Variants in SORCS1 observed in about 807,000 individuals in gnomAD.
The protein encoded by SORCS1 is sortilin related VPS10 domain containing receptor 1, also known as VPS10 domain-containing receptor SorCS1.
SORCS1 carries 60 observed loss-of-function variants against 146.1 expected under a neutral mutation model. That is an observed-to-expected ratio of 0.41 (90% confidence interval 0.33 to 0.51). The LOEUF (loss-of-function observed/expected upper bound fraction) is 0.51, where lower values mean the gene tolerates loss of function less well. Ranked by LOEUF, SORCS1 falls within the 20% of genes least tolerant of loss-of-function variation. SORCS1 has a pLI of 0.21. For missense variants in SORCS1, 1,352 were observed against 1,487.6 expected (o/e 0.91, Z 1.50); for synonymous variants, 637 against 584.0 (o/e 1.09, Z -1.31).
At chr10:106,833,939 G>A (rs1469209737) in intron 2 of SORCS1, among the ~76,000 whole-genome samples, 1 of 152,080 alleles carries the variant, frequency 6.6e-6, no homozygotes, top group Non-Finnish European at 1.5e-5. Flanking sequence ...GACTACAGGC[G>A]CCCGCCACCA....
At chr10:106,850,124 C>A (rs1290528829) in intron 2 of SORCS1, among the ~76,000 whole-genome samples, 1 of 151,798 alleles carries the variant, frequency 6.6e-6, no homozygotes, top group African/African-American at 2.4e-5. Context: ...CCAGTTCGAG[C>A]TTCCCGGCTG....
intron 1 of SORCS1, among the ~76,000 whole-genome samples, chr10:107,000,370 C>G (rs1003724796): frequency 1.3e-5 from 2 of 151,320 alleles, no homozygotes; most frequent in Non-Finnish European, 2.9e-5. Flanking sequence ...GACGCCGAGG[C>G]GTGTGCATCA....
At chr10:107,002,510 A>G (rs2139632835) in intron 1 of SORCS1, among the ~76,000 whole-genome samples, 1 of 152,340 alleles carries the variant, frequency 6.6e-6, no homozygotes, top group Non-Finnish European at 1.5e-5. Context: ...CACATAGCAC[A>G]TAATGAAGCA....
chr10:107,178,496 AT>A, the SORCS1 span, among the ~76,000 whole-genome samples: 2 of 149,302 alleles, frequency 1.3e-5, no homozygotes, highest in East Asian at 3.9e-4. Flanking sequence ...TTATATATAT[AT>A]ATATATTTTT....
chr10:106,645,562 A>G (rs1194586202), intron 18 of SORCS1, among the ~76,000 whole-genome samples: 2 of 152,088 alleles, frequency 1.3e-5, no homozygotes, highest in African/African-American at 4.8e-5. Context: ...ATTAAGTTGC[A>G]TTACATAGGG....
chr10:106,986,538 G>C (rs1329061236), intron 1 of SORCS1, among the ~76,000 whole-genome samples: 1 of 150,404 alleles, frequency 6.6e-6, no homozygotes, highest in South Asian at 2.1e-4. Flanking sequence ...GTGTGTGTGT[G>C]TGTGTGTGTG....
chr10:106,992,826 C>CTTT (rs36052970), intron 1 of SORCS1, among the ~76,000 whole-genome samples: 194 of 56,788 alleles, frequency 3.4e-3, no homozygotes, highest in Non-Finnish European at 4.0e-3. Flanking sequence ...TTCTTTCTTT[C>CTTT]TTTTTTTTTT....
intron 1 of SORCS1, among the ~76,000 whole-genome samples, chr10:106,987,570 G>A (rs74717762): frequency 0.019 from 2,846 of 152,252 alleles, 42 homozygotes; most frequent in Non-Finnish European, 0.03. Flanking sequence ...AATGCCTTAC[G>A]GACCGGGCAG....
rs952139679 is a variant in SORCS1, at chr10:106,616,938, C to T, written c.2920+1211G>A. On this transcript the variant is annotated intron_variant, in intron 21 of 25. Transcript: ENST00000263054. ...GGACCACGAGCTAGGCTGTCTGTCT[C>T]TCTCTTGCTCTTTCTTTTTTTTTTT... is the stretch of plus-strand genomic sequence containing the variant. 3.8e-5 allele frequency among the ~76,000 whole-genome samples: 4 copies of T among 106,312 alleles called. No individual in the cohort carries two copies. The East Asian group carries it at 1.2e-3, about 33-fold the overall frequency. The allele number at this position is 106,312 out of a possible 152,430, so 69.7% of individuals were successfully genotyped here. A position where few individuals can be genotyped will look rare whatever the true frequency, so the allele number is the denominator to read the frequency against.
rs753408571 is a variant in SORCS1 at position 106,885,701 on chromosome 10, C to A, written c.627-56028G>T. On this transcript the variant is annotated intron_variant, in intron 2 of 25. Coordinates refer to ENST00000263054, the MANE Select transcript of SORCS1 (RefSeq NM_052918.5). ...GTGATATTGTTTGGCTGTGTCCCCCCCCAAATCTCATCTTGAATTGTAGCT... is the reference window on the plus strand; with the variant it reads ...GTGATATTGTTTGGCTGTGTCCCCCACCAAATCTCATCTTGAATTGTAGCT... Among the ~76,000 whole-genome samples, 7 of 152,086 alleles carry A rather than the reference C, an allele frequency of 4.6e-5. No homozygotes were observed. In the East Asian group the frequency reaches 7.7e-4, roughly 17 times the overall value.
chr10:106,614,237 G>A (rs903992855), intron 21 of SORCS1, among the ~76,000 whole-genome samples: 96 of 152,118 alleles, frequency 6.3e-4, no homozygotes, highest in African/African-American at 2.3e-3. Context: ...CGAAATTTAT[G>A]CATTTATTTA....
At chr10:106,832,332 G>A (rs1948587659) in intron 2 of SORCS1, among the ~76,000 whole-genome samples, 1 of 151,936 alleles carries the variant, frequency 6.6e-6, no homozygotes, top group African/African-American at 2.4e-5. Flanking sequence ...GGGATTACAG[G>A]CACACATCAC....
intron 5 of SORCS1, among the ~76,000 whole-genome samples, chr10:106,741,612 T>C (rs1857368433): frequency 6.6e-6 from 1 of 150,610 alleles, no homozygotes; most frequent in Non-Finnish European, 1.5e-5. Flanking sequence ...AAAATAATAA[T>C]AATTATATAT....
chr10:107,036,435 A>C (rs901010873), intron 1 of SORCS1, among the ~76,000 whole-genome samples: 2 of 152,180 alleles, frequency 1.3e-5, no homozygotes, highest in African/African-American at 4.8e-5. Flanking sequence ...GATAGAAATG[A>C]GGAGTCTTGA....
At chr10:106,739,088 G>T (rs1190324568) in intron 5 of SORCS1, among the ~76,000 whole-genome samples, 1 of 152,134 alleles carries the variant, frequency 6.6e-6, no homozygotes, top group African/African-American at 2.4e-5. Flanking sequence ...AGTAATAAGA[G>T]ACCAAGCAAA....
At chr10:106,692,797 G>A (rs188875191) in intron 9 of SORCS1, among the ~76,000 whole-genome samples, 169 of 152,202 alleles carry the variant, frequency 1.1e-3, no homozygotes, top group African/African-American at 3.4e-3. Flanking sequence ...CTAATCATAT[G>A]TGATGGGTCA....
chr10:106,673,773 C>T (rs1388440024), intron 14 of SORCS1, among the ~76,000 whole-genome samples: 1 of 152,202 alleles, frequency 6.6e-6, no homozygotes, highest in Non-Finnish European at 1.5e-5. Flanking sequence ...GTTTCCTACA[C>T]TGTACATTCT....
At chr10:106,616,131 C>T (rs1257615824) in intron 21 of SORCS1, among the ~76,000 whole-genome samples, 2 of 152,100 alleles carry the variant, frequency 1.3e-5, no homozygotes, top group Non-Finnish European at 2.9e-5. Context: ...GCCAGTAATT[C>T]CCTATGTCTG....
At chr10:106,786,379 T>G (rs1269463211) in intron 3 of SORCS1, among the ~76,000 whole-genome samples, 1 of 152,140 alleles carries the variant, frequency 6.6e-6, no homozygotes, top group Non-Finnish European at 1.5e-5. Flanking sequence ...TCCCTTTCTC[T>G]CTGCATGACA....
Sources: allele counts gnomAD v4.1 joint callset (sites outside exome capture counted in the v4.1 genomes callset), GRCh38; gene constraint gnomAD v4.1.1; transcripts MANE v1.5; gene names NCBI Gene and HGNC (gene_info 2026-07-23, HGNC 2026-07-21).